The following SHQ1 variants were observed in gnomAD, a reference collection of about 807,000 sequenced individuals.
SHQ1 encodes the protein SHQ1, H/ACA ribonucleoprotein assembly factor.
In SHQ1, 49 loss-of-function variants were observed where a neutral mutation model predicts 53.8. The ratio of observed to expected loss-of-function variants is 0.91; its 90% CI spans 0.72 to 1.16. SHQ1 has a LOEUF of 1.16. Among genes scored for constraint, SHQ1 ranks in the 50% most tolerant of loss-of-function variants. SHQ1 has a pLI of 0.00. For missense variants in SHQ1, 738 were observed against 683.1 expected (o/e 1.08, Z -0.90); for synonymous variants, 243 against 251.0 (o/e 0.97, Z 0.30).
chr3:72,751,529 T>TATATACAC (rs1491584090), intron 10 of SHQ1, among the ~76,000 whole-genome samples: 4 of 137,992 alleles, frequency 2.9e-5, no homozygotes, highest in South Asian at 2.2e-4. Flanking sequence ...TATATATATA[T>TATATACAC]ACATATACAT....
intron 10 of SHQ1, among the ~76,000 whole-genome samples, chr3:72,762,678 C>T (rs1421269521): frequency 6.6e-6 from 1 of 151,808 alleles, no homozygotes; most frequent in Non-Finnish European, 1.5e-5. Flanking sequence ...CTTCTTGCCT[C>T]CAGTTTTTTT....
At chr3:72,809,139 G>A (rs1314992343) in intron 9 of SHQ1, among the ~76,000 whole-genome samples, 2 of 152,148 alleles carry the variant, frequency 1.3e-5, no homozygotes, top group Non-Finnish European at 1.5e-5. Flanking sequence ...TAAGAAGCAG[G>A]ACAGAGCAAC....
the SHQ1 span, among the ~76,000 whole-genome samples, chr3:72,727,228 T>C: frequency 1.3e-5 from 2 of 152,136 alleles, no homozygotes; most frequent in African/African-American, 4.8e-5. Context: ...AAGGGGGGTT[T>C]GAGGCTCCCC....
the SHQ1 span, among the ~76,000 whole-genome samples, chr3:72,727,245 T>G: frequency 6.6e-6 from 1 of 152,108 alleles, no homozygotes; most frequent in Non-Finnish European, 1.5e-5. Context: ...CCCCGTAGTT[T>G]CCACCCGTCA....
chr3:72,750,901 T>C lies in SHQ1; in HGVS notation c.1182-65A>G, dbSNP rs905401650. Reference sequence around the variant, plus strand: ...TAATTGGCCTGGGGATAACAGGTTATACAGCTTCCAAAAAAATAAAGTTGA... The same window carrying C: ...TAATTGGCCTGGGGATAACAGGTTACACAGCTTCCAAAAAAATAAAGTTGA... On this transcript the variant is annotated intron_variant, in intron 10 of 10. Transcript: ENST00000325599. The C allele has an allele frequency of 9.7e-6, 13 of 1,336,764 alleles. No individual in the cohort carries two copies. The African/African-American group carries it at 1.9e-4, about 20-fold the overall frequency. The allele number at this position is 1,336,764 out of a possible 1,614,324, so 82.8% of individuals were successfully genotyped here.
the SHQ1 span, among the ~76,000 whole-genome samples, chr3:72,726,207 A>G: frequency 3.3e-5 from 5 of 152,216 alleles, no homozygotes; most frequent in Non-Finnish European, 7.3e-5. Flanking sequence ...ATAAAGGCAT[A>G]GCAAAGACTC....
At chr3:72,813,923 A>T (rs1178614281) in intron 8 of SHQ1, among the ~76,000 whole-genome samples, 1 of 151,434 alleles carries the variant, frequency 6.6e-6, no homozygotes, top group Non-Finnish European at 1.5e-5. Context: ...CTAGGAAAAA[A>T]GGTGTTGTAT....
At position 72,817,149 on chromosome 3, in the gene SHQ1, C is replaced by G. The variant is rs950952636; in HGVS notation, c.882+81G>C. The G allele has an allele frequency of 9.6e-6, 14 of 1,460,402 alleles. No individual in the cohort carries two copies. In the South Asian group the frequency reaches 1.8e-4, roughly 19 times the overall value. The allele number at this position is 1,460,402 out of a possible 1,614,324, so 90.5% of individuals were successfully genotyped here. On this transcript the variant is annotated intron_variant, in intron 7 of 10. Coordinates refer to ENST00000325599, the MANE Select transcript of SHQ1 (RefSeq NM_018130.3). ...ATAACTGATCACCACCAGTTCTACT[C>G]TAGACAAGAAAGACTGATGCTTTAA...
the SHQ1 span, among the ~76,000 whole-genome samples, chr3:72,731,950 C>A: frequency 2.0e-5 from 3 of 151,550 alleles, no homozygotes; most frequent in Non-Finnish European, 2.9e-5. Flanking sequence ...CAGAAAGGCC[C>A]TTCTTCCCTG....
At chr3:72,843,094 T>A (rs542874196) in intron 2 of SHQ1, among the ~76,000 whole-genome samples, 4 of 149,916 alleles carry the variant, frequency 2.7e-5, no homozygotes, top group Non-Finnish European at 4.4e-5. Context: ...AAAAAAAAAA[T>A]TATTTATCTG....
chr3:72,841,504 G>C (rs1360463657), intron 3 of SHQ1, among the ~76,000 whole-genome samples: 2 of 152,142 alleles, frequency 1.3e-5, no homozygotes, highest in East Asian at 3.9e-4. Flanking sequence ...CATACTGTAT[G>C]ATCTACATAT....
intron 2 of SHQ1, 69 bp downstream of exon 2, chr3:72,844,290 G>C: frequency 1.5e-6 from 2 of 1,311,778 alleles, no homozygotes; most frequent in Non-Finnish European, 2.2e-6. Flanking sequence ...ATGGTATCTT[G>C]TAAGATTATT....
chr3:72,747,991 A>G (rs77941137), downstream of SHQ1, among the ~76,000 whole-genome samples: 2 of 146,770 alleles, frequency 1.4e-5, no homozygotes, highest in African/African-American at 2.5e-5. Flanking sequence ...TGTCTCAAGG[A>G]AAAAAAAAAA....
chr3:72,814,278 G>A (rs1197948034), intron 8 of SHQ1, among the ~76,000 whole-genome samples: 4 of 152,164 alleles, frequency 2.6e-5, no homozygotes, highest in Non-Finnish European at 4.4e-5. Flanking sequence ...TGCTAACACA[G>A]AAACCGATTC....
the SHQ1 span, among the ~76,000 whole-genome samples, chr3:72,725,857 T>G: frequency 1.3e-5 from 2 of 152,198 alleles, no homozygotes; most frequent in Non-Finnish European, 2.9e-5. Context: ...AGAGCCTTTC[T>G]GGAATGGGCA....
At chr3:72,837,603 G>A (rs1166893754) in intron 4 of SHQ1, among the ~76,000 whole-genome samples, 5 of 152,092 alleles carry the variant, frequency 3.3e-5, no homozygotes, top group South Asian at 2.1e-4. Flanking sequence ...TTCATCTATA[G>A]GCAGAACTAG....
At chr3:72,804,472 T>C (rs1173594538) in intron 9 of SHQ1, among the ~76,000 whole-genome samples, 1 of 147,124 alleles carries the variant, frequency 6.8e-6, no homozygotes, top group Admixed American at 6.8e-5. Flanking sequence ...GTTGCCCGTG[T>C]CCATGTGTTC....
chr3:72,842,047 C>G (rs766884162), intron 3 of SHQ1, among the ~76,000 whole-genome samples: 20 of 152,130 alleles, frequency 1.3e-4, no homozygotes, highest in Admixed American at 2.0e-4. Context: ...TTTTGCCAAC[C>G]ACAAAATGTT....
At chr3:72,767,720 T>C (rs943618073) in intron 10 of SHQ1, among the ~76,000 whole-genome samples, 1 of 152,134 alleles carries the variant, frequency 6.6e-6, no homozygotes, top group African/African-American at 2.4e-5. Context: ...TCTACAAAAA[T>C]TACTGATTAC....
Sources: allele counts gnomAD v4.1 joint callset (sites outside exome capture counted in the v4.1 genomes callset), GRCh38; gene constraint gnomAD v4.1.1; transcripts MANE v1.5; gene names NCBI Gene and HGNC (gene_info 2026-07-23, HGNC 2026-07-21).